Variants in NECTIN3 observed in about 807,000 individuals in gnomAD.
NECTIN3 encodes the protein nectin cell adhesion molecule 3, also known as nectin-3.
A neutral mutation model predicts 49.4 loss-of-function variants in NECTIN3; 8 were observed. That is an observed-to-expected ratio of 0.16 (90% CI 0.10 to 0.29). NECTIN3 has a LOEUF of 0.29. Among genes scored for constraint, NECTIN3 ranks in the 10% least tolerant of loss-of-function variants. The pLI is 1.00. For missense variants in NECTIN3, 581 were observed against 654.6 expected (o/e 0.89, Z 1.23); for synonymous variants, 277 against 241.1 (o/e 1.15, Z -1.38).
Position 111,135,837 on chromosome 3 carries a change from A to C in NECTIN3, c.*1622A>C. On this transcript the variant is annotated 3_prime_UTR_variant, in exon 6 of 6. Coordinates refer to ENST00000485303, the MANE Select transcript of NECTIN3 (RefSeq NM_015480.3). ...AGTTTTCTTCATTTTAACTAGCACT[A>C]TTTTGTGGAAATTAGAAACCTCTTT... 2 of 928,184 alleles carry C rather than the reference A, an allele frequency of 2.2e-6. No homozygotes were observed. The highest frequency in any genetic ancestry group is 2.6e-6 in the Non-Finnish European group (2 of 778,310). 57.5% of individuals were successfully genotyped at this position (928,184 alleles called of 1,614,324 possible). A position where few individuals can be genotyped will look rare whatever the true frequency, so the allele number is the denominator to read the frequency against.
Position 111,091,991 on chromosome 3 carries a change from G to A in NECTIN3, c.160+19814G>A, listed in dbSNP as rs75567251. 6.6e-4 allele frequency among the ~76,000 whole-genome samples: 100 copies of A among 152,244 alleles called. 1 individual carries two copies. Among genetic ancestry groups the A allele is most frequent in the African/African-American group, 2.4e-3 (98 of 41,550 alleles). On this transcript the variant is annotated intron_variant, in intron 1 of 5. Transcript: ENST00000485303. ...TTTTTAATTGTAACCATCACAAGTG[G>A]GTATGAGGTGGTGTATGGTTGTTTT...
chr3:111,148,226 C>T (rs1310044777), intron 7 of NECTIN3, among the ~76,000 whole-genome samples: 1 of 152,146 alleles, frequency 6.6e-6, no homozygotes, highest in Non-Finnish European at 1.5e-5. Context: ...AATCATTAGC[C>T]CATCAATTCA....
intron 2 of NECTIN3, among the ~76,000 whole-genome samples, chr3:111,116,726 T>C (rs910199468): frequency 3.3e-5 from 5 of 152,242 alleles, no homozygotes; most frequent in East Asian, 1.9e-4. Flanking sequence ...TTCCAAATGA[T>C]TCATAAACAT....
chr3:111,177,437 G>T (rs773587397), intron 7 of NECTIN3, among the ~76,000 whole-genome samples: 3 of 152,090 alleles, frequency 2.0e-5, no homozygotes, highest in Admixed American at 6.6e-5. Context: ...GTAAAATTTT[G>T]ATCATTACAA....
chr3:111,113,982 C>CTAAATAAATAAA (rs545454977), intron 2 of NECTIN3, among the ~76,000 whole-genome samples: 2 of 151,834 alleles, frequency 1.3e-5, no homozygotes, highest in African/African-American at 4.8e-5. Context: ...GACTGTGTCT[C>CTAAATAAATAAA]TAAATAAATA....
At chr3:111,106,759 A>G (rs1285655904) in intron 1 of NECTIN3, among the ~76,000 whole-genome samples, 1 of 152,160 alleles carries the variant, frequency 6.6e-6, no homozygotes, top group Non-Finnish European at 1.5e-5. Flanking sequence ...AATTTTGAGG[A>G]GTCTGAAAGG....
intron 1 of NECTIN3, among the ~76,000 whole-genome samples, chr3:111,106,192 C>T (rs939673390): frequency 2.0e-5 from 3 of 152,070 alleles, no homozygotes; most frequent in Admixed American, 6.6e-5. Context: ...TAGTTCCTTG[C>T]TAATTGTCTG....
chr3:111,118,261 T>TATA (rs1473912352), intron 2 of NECTIN3, among the ~76,000 whole-genome samples: 3 of 125,554 alleles, frequency 2.4e-5, no homozygotes, highest in Non-Finnish European at 5.1e-5. Context: ...TATATATATA[T>TATA]ATATATATAT....
chr3:111,189,389 A>C (rs928215145), upstream of NECTIN3, among the ~76,000 whole-genome samples: 4 of 152,324 alleles, frequency 2.6e-5, no homozygotes, highest in Admixed American at 6.5e-5. Context: ...TTTTATTATT[A>C]TAATAAAGGG....
chr3:111,141,702 A>G (rs1341517624), downstream of NECTIN3, among the ~76,000 whole-genome samples: 1 of 151,922 alleles, frequency 6.6e-6, no homozygotes. Flanking sequence ...TACTACTGTG[A>G]TAACAGCAAG....
At position 111,136,270 on chromosome 3, in the gene NECTIN3, T is replaced by G. The variant is rs545713672; in HGVS notation, c.*2055T>G. The G allele has an allele frequency of 1.0e-6, 1 of 966,080 alleles. No homozygotes were observed. Among genetic ancestry groups the G allele is most frequent in the African/African-American group, 1.8e-5 (1 of 56,824 alleles). 59.8% of individuals were successfully genotyped at this position (966,080 alleles called of 1,614,324 possible). ...AGTATAATCTGAAGGAAATTAGCAG[T>G]GTATTTTAAGAAATATATTTCAAAA... On this transcript the variant is annotated 3_prime_UTR_variant, in exon 6 of 6. Coordinates refer to ENST00000485303, the MANE Select transcript of NECTIN3 (RefSeq NM_015480.3).
At chr3:111,147,874 A>G (rs1247793996) in intron 7 of NECTIN3, among the ~76,000 whole-genome samples, 1 of 152,200 alleles carries the variant, frequency 6.6e-6, no homozygotes, top group Non-Finnish European at 1.5e-5. Flanking sequence ...GAGTAGCATG[A>G]AGGGCTTCTT....
At chr3:111,118,263 T>TATATATAC (rs1379723266) in intron 2 of NECTIN3, among the ~76,000 whole-genome samples, 2 of 137,534 alleles carry the variant, frequency 1.5e-5, no homozygotes, top group Non-Finnish European at 3.2e-5. Context: ...TATATATATA[T>TATATATAC]ATATATATAT....
chr3:111,186,962 A>G (rs969832267), intron 7 of NECTIN3, among the ~76,000 whole-genome samples: 1 of 152,242 alleles, frequency 6.6e-6, no homozygotes. Context: ...AAACATATGT[A>G]CAGTATTATT....
At position 111,072,081 on chromosome 3, in the gene NECTIN3, G is replaced by T; in HGVS notation, c.64G>T (p.Ala22Ser). The change falls in exon 1 of 6, where the codon GCT (alanine) becomes TCT (serine). Residue 22 changes from alanine (A) to serine (S), a missense_variant. By Grantham distance (99) the Ala-to-Ser change is moderately conservative. Transcript: ENST00000485303. Reference protein sequence around the residue: ...PGGGKAQLSSASLLGAGLLLQ... With the variant: ...PGGGKAQLSSSSLLGAGLLLQ... Reference sequence around the variant, plus strand: ...AGGCGGCAAAGCACAACTTTCCTCCGCTTCTCTCCTCGGAGCCGGGCTCCT... The same window carrying T: ...AGGCGGCAAAGCACAACTTTCCTCCTCTTCTCTCCTCGGAGCCGGGCTCCT... 6 of 1,549,234 alleles carry T rather than the reference G, an allele frequency of 3.9e-6. No homozygotes were observed. The highest frequency in any genetic ancestry group is 1.2e-5 in the South Asian group (1 of 83,798).
intron 1 of NECTIN3, among the ~76,000 whole-genome samples, chr3:111,102,150 G>T (rs2032940285): frequency 6.6e-6 from 1 of 152,166 alleles, no homozygotes; most frequent in South Asian, 2.1e-4. Flanking sequence ...TAGGAGCAAG[G>T]GTTGGGATGT....
rs2034546493 is a variant in NECTIN3 at position 111,135,494 on chromosome 3, A to G, written c.*1279A>G. ...AAATGTGCTTTTTGTTTGTGAGGTA[A>G]TTAAATTGCTTCTACAGTGGAGGCT... On this transcript the variant is annotated 3_prime_UTR_variant, in exon 6 of 6. Transcript: ENST00000485303. 3 of 976,072 alleles carry G rather than the reference A, an allele frequency of 3.1e-6. No individual in the cohort carries two copies. The highest frequency in any genetic ancestry group is 4.7e-5 in the South Asian group (1 of 21,094). 60.5% of individuals were successfully genotyped at this position (976,072 alleles called of 1,614,324 possible). A position where few individuals can be genotyped will look rare whatever the true frequency, so the allele number is the denominator to read the frequency against.
At chr3:111,125,481 T>C (rs932760398) in intron 4 of NECTIN3, among the ~76,000 whole-genome samples, 1 of 152,230 alleles carries the variant, frequency 6.6e-6, no homozygotes, top group Non-Finnish European at 1.5e-5. Context: ...AGAATTCTCA[T>C]AGTGGGACTC....
chr3:111,112,495 C>A, intron 2 of NECTIN3, 124 bp downstream of exon 2: 1 of 674,442 alleles, frequency 1.5e-6, no homozygotes, highest in East Asian at 3.0e-5. Flanking sequence ...AATTCAAATA[C>A]GATTTTTCAA....
Sources: gnomAD v4.1 joint callset for allele counts (sites outside exome capture counted in the v4.1 genomes callset) on GRCh38, gnomAD v4.1.1 for gene constraint, MANE v1.5 for transcripts, NCBI Gene and HGNC (gene_info 2026-07-23, HGNC 2026-07-21) for gene names.